MYT1L: variants seen among roughly 807,000 people sequenced by gnomAD.
The protein encoded by MYT1L is myelin transcription factor 1-like protein.
Under a neutral mutation model 126.7 loss-of-function variants are expected in MYT1L, and 12 were observed. The ratio of observed to expected loss-of-function variants is 0.09; its 90% CI spans 0.06 to 0.15. MYT1L has a LOEUF of 0.15. Among genes scored for constraint, MYT1L ranks in the 10% least tolerant of loss-of-function variants. MYT1L has a pLI of 1.00. For missense variants in MYT1L, 979 were observed against 1,585.2 expected, an observed-to-expected ratio of 0.62 and a Z score of 6.49; for synonymous variants, 541 against 604.2, an observed-to-expected ratio of 0.90 and a Z score of 1.53.
intron 3 of MYT1L, among the ~76,000 whole-genome samples, chr2:2,135,313 A>G (rs1046141549): frequency 1.3e-5 from 2 of 151,352 alleles, no homozygotes; most frequent in African/African-American, 4.9e-5. Flanking sequence ...TTCCCTGCAC[A>G]CTCTCTCTCT....
intron 2 of MYT1L, among the ~76,000 whole-genome samples, chr2:2,186,392 G>T (rs1160086069): frequency 1.3e-5 from 2 of 152,226 alleles, no homozygotes; most frequent in East Asian, 3.9e-4. Context: ...CTGTAGTCCC[G>T]CACTGTTAAT....
chr2:1,866,638 GGAGA>G (rs1416789502), intron 18 of MYT1L, among the ~76,000 whole-genome samples: 1 of 68,222 alleles, frequency 1.5e-5, no homozygotes, highest in Non-Finnish European at 2.7e-5. Context: ...GGAGAGGGAG[GGAGA>G]GAGAGAGACA....
chr2:1,818,007 G>A (rs1344852755), intron 21 of MYT1L, among the ~76,000 whole-genome samples: 1 of 152,202 alleles, frequency 6.6e-6, no homozygotes, highest in Non-Finnish European at 1.5e-5. Context: ...CTGGCACCAG[G>A]CGTCAGCACC....
chr2:1,843,296 G>T (rs28718187), intron 19 of MYT1L, among the ~76,000 whole-genome samples: 66,781 of 152,110 alleles, frequency 0.44, 15,561 homozygotes, highest in East Asian at 0.67. Flanking sequence ...TGTAAACCAT[G>T]CGAGTGTTCC....
rs182305656 is a variant in MYT1L at position 2,246,432 on chromosome 2, G to A, written c.-421+37972C>T. 1.2e-4 allele frequency among the ~76,000 whole-genome samples: 19 copies of A among 152,192 alleles called. No individual in the cohort carries two copies. In the East Asian group the frequency reaches 1.9e-3, roughly 15 times the overall value. ...GTGGCTGAAATGAGCTGTGTGTGCC[G>A]CAATGGAACACCATGAGACGGGTAC... On this transcript the variant is annotated intron_variant, in intron 2 of 24. Coordinates refer to ENST00000647738, the MANE Select transcript of MYT1L (RefSeq NM_001303052.2).
At chr2:2,161,424 G>T (rs1439942147) in intron 3 of MYT1L, among the ~76,000 whole-genome samples, 2 of 152,262 alleles carry the variant, frequency 1.3e-5, no homozygotes, top group Non-Finnish European at 2.9e-5. Context: ...TTGCTTCAGA[G>T]TGACCCGTGC....
intron 8 of MYT1L, among the ~76,000 whole-genome samples, chr2:1,957,569 T>G (rs992158756): frequency 8.6e-5 from 13 of 151,736 alleles, no homozygotes; most frequent in African/African-American, 3.2e-4. Flanking sequence ...TCCCCATCTA[T>G]CAATCACCTA....
At chr2:1,832,539 A>C (rs557627693) in intron 21 of MYT1L, among the ~76,000 whole-genome samples, 1 of 152,192 alleles carries the variant, frequency 6.6e-6, no homozygotes, top group Non-Finnish European at 1.5e-5. Context: ...TCTGTTTCCT[A>C]AACAGTCCTC....
intron 9 of MYT1L, among the ~76,000 whole-genome samples, chr2:1,924,163 G>A (rs927369562): frequency 8.5e-5 from 13 of 152,120 alleles, no homozygotes; most frequent in Admixed American, 7.2e-4. Context: ...TCTCAAAAAC[G>A]TATTTAGAAA....
At chr2:2,161,092 G>A (rs1005566416) in intron 3 of MYT1L, among the ~76,000 whole-genome samples, 21 of 152,132 alleles carry the variant, frequency 1.4e-4, no homozygotes, top group Non-Finnish European at 2.1e-4. Flanking sequence ...ATGGTGGTGC[G>A]TTCTGTAGTC....
At chr2:2,173,414 T>C (rs2090327805) in intron 2 of MYT1L, among the ~76,000 whole-genome samples, 1 of 152,254 alleles carries the variant, frequency 6.6e-6, no homozygotes, top group African/African-American at 2.4e-5. Context: ...ATTTCATTCA[T>C]AAGAAAATAT....
intron 2 of MYT1L, among the ~76,000 whole-genome samples, chr2:2,219,197 G>A (rs1378481566): frequency 1.3e-5 from 2 of 151,984 alleles, no homozygotes; most frequent in African/African-American, 4.8e-5. Flanking sequence ...TTTGTTTTTT[G>A]GGTGCTATAG....
At chr2:2,107,032 TGGA>T (rs2078840702) in intron 3 of MYT1L, among the ~76,000 whole-genome samples, 1 of 151,504 alleles carries the variant, frequency 6.6e-6, no homozygotes, top group Non-Finnish European at 1.5e-5. Flanking sequence ...ATCTATAAAG[TGGA>T]GATCAACACA....
chr2:2,299,296 T>G (rs1418823577), intron 1 of MYT1L, among the ~76,000 whole-genome samples: 1 of 152,236 alleles, frequency 6.6e-6, no homozygotes, highest in Non-Finnish European at 1.5e-5. Context: ...GACAGCAGCC[T>G]GTGCCATGAT....
intron 14 of MYT1L, among the ~76,000 whole-genome samples, chr2:1,901,826 A>G (rs2050376371): frequency 6.6e-6 from 1 of 151,406 alleles, no homozygotes; most frequent in South Asian, 2.1e-4. Flanking sequence ...TGCCCGGCTA[A>G]TTTTTGTATT....
At chr2:1,875,975 C>G (rs983578788) in intron 18 of MYT1L, among the ~76,000 whole-genome samples, 2 of 152,114 alleles carry the variant, frequency 1.3e-5, no homozygotes, top group African/African-American at 2.4e-5. Flanking sequence ...TTAAATAATC[C>G]CCAGTAGTTA....
chr2:2,197,450 A>G (rs1476255130), intron 2 of MYT1L, among the ~76,000 whole-genome samples: 1 of 152,208 alleles, frequency 6.6e-6, no homozygotes, highest in African/African-American at 2.4e-5. Context: ...GCATAAAAAC[A>G]TGGTATATCT....
rs74942456 is a variant in MYT1L at position 2,142,459 on chromosome 2, T to C, written c.-304+30413A>G. Among the ~76,000 whole-genome samples the C allele has an allele frequency of 7.2e-3, 1,095 of 152,264 alleles. 14 individuals are homozygous for C. Among genetic ancestry groups the C allele is most frequent in the African/African-American group, 0.025 (1,032 of 41,550 alleles). ...GACTGAGTTTGTGAGTTTGTTGTTA[T>C]GCGAATACCACCAGGATCTCTGCAT... On this transcript the variant is annotated intron_variant, in intron 3 of 24. Coordinates refer to ENST00000647738, the MANE Select transcript of MYT1L (RefSeq NM_001303052.2).
intron 3 of MYT1L, among the ~76,000 whole-genome samples, chr2:2,155,271 A>G (rs1262973129): frequency 6.6e-6 from 1 of 152,180 alleles, no homozygotes; most frequent in African/African-American, 2.4e-5. Flanking sequence ...CAAATATCTA[A>G]AGTATCCAAA....
Sources: allele counts gnomAD v4.1 joint callset (sites outside exome capture counted in the v4.1 genomes callset), GRCh38; gene constraint gnomAD v4.1.1; transcripts MANE v1.5; gene names NCBI Gene and HGNC (gene_info 2026-07-23, HGNC 2026-07-21).